The following ZNF570 variants were observed in gnomAD, a reference collection of about 807,000 sequenced individuals.
ZNF570 encodes the protein zinc finger protein 570.
In ZNF570, 8 loss-of-function variants were observed where a neutral mutation model predicts 14.2. The ratio of observed to expected loss-of-function variants is 0.56; its 90% CI spans 0.33 to 1.02. The LOEUF is 1.02. Among genes scored for constraint, ZNF570 ranks in the 50% least tolerant of loss-of-function variants. ZNF570 has a pLI of 0.03. For synonymous variants in ZNF570, 202 were observed against 207.6 expected (o/e 0.97, Z 0.23); for missense variants, 559 against 624.9 (o/e 0.89, Z 1.12).
upstream of ZNF570, chr19:37,468,194 C>T: frequency 1.8e-6 from 1 of 542,916 alleles, no homozygotes; most frequent in Non-Finnish European, 3.2e-6. Context: ...TCAAGCGATT[C>T]TCTGCCTCGG....
At chr19:37,481,060 C>G (rs1484622789) in intron 4 of ZNF570, among the ~76,000 whole-genome samples, 1 of 151,792 alleles carries the variant, frequency 6.6e-6, no homozygotes, top group Non-Finnish European at 1.5e-5. Flanking sequence ...ATATACTATT[C>G]ATATCAACTT....
chr19:37,483,769 C>CAAAAGCCAA, intron 4 of ZNF570, 110 bp from the exon 5 acceptor site: 1 of 1,163,454 alleles, frequency 8.6e-7, no homozygotes, highest in South Asian at 1.6e-5. Flanking sequence ...GCCAATGTTC[C>CAAAAGCCAA]TGTGGGTTTT....
chr19:37,478,999 C>G (rs1473489060), intron 4 of ZNF570, among the ~76,000 whole-genome samples: 2 of 151,128 alleles, frequency 1.3e-5, no homozygotes, highest in African/African-American at 4.8e-5. Flanking sequence ...GTTGATTAGT[C>G]TCGTAAATTC....
chr19:37,468,058 C>T, upstream of ZNF570: 2 of 777,908 alleles, frequency 2.6e-6, no homozygotes, highest in Non-Finnish European at 4.1e-6. Flanking sequence ...CTTAACTTCT[C>T]TATGCCTTTC....
chr19:37,475,835 G>A, intron 2 of ZNF570, 46 bp from the exon 3 acceptor site: 2 of 1,575,264 alleles, frequency 1.3e-6, no homozygotes, highest in Non-Finnish European at 1.7e-6. Flanking sequence ...GAGGAAATGA[G>A]GTGAATATGG....
intron 2 of ZNF570, among the ~76,000 whole-genome samples, chr19:37,472,257 C>G (rs1044934379): frequency 1.3e-5 from 2 of 152,054 alleles, no homozygotes; most frequent in Admixed American, 1.3e-4. Flanking sequence ...ACCATCATCT[C>G]TCACCTGTGT....
intron 2 of ZNF570, among the ~76,000 whole-genome samples, chr19:37,473,932 G>A (rs1230448056): frequency 2.0e-5 from 3 of 152,152 alleles, no homozygotes; most frequent in Non-Finnish European, 2.9e-5. Context: ...AAAACTAGAT[G>A]TCTTTTAGGG....
intron 4 of ZNF570, among the ~76,000 whole-genome samples, chr19:37,478,995 T>G (rs2042056964): frequency 6.6e-6 from 1 of 151,334 alleles, no homozygotes; most frequent in African/African-American, 2.4e-5. Flanking sequence ...CAAGGTTGAT[T>G]AGTCTCGTAA....
At position 37,469,432 on chromosome 19, in the gene ZNF570, G is replaced by A. The variant is rs903096693; in HGVS notation, c.-177G>A. Reference sequence around the variant, plus strand: ...TGAGACCCGAGTGCAGATTCCCCGAGCCTTCGGGGCAGGAAGGAGATCTTC... The same window carrying A: ...TGAGACCCGAGTGCAGATTCCCCGAACCTTCGGGGCAGGAAGGAGATCTTC... On this transcript the variant is annotated 5_prime_UTR_variant, in exon 1 of 5. Transcript: ENST00000330173. The A allele has an allele frequency of 4.6e-6, 7 of 1,533,742 alleles. No homozygotes were observed. The African/African-American group carries it at 6.8e-5, about 15-fold the overall frequency.
chr19:37,470,100 A>G (rs2041930092), intron 1 of ZNF570: 1 of 502,768 alleles, frequency 2.0e-6, no homozygotes, highest in Non-Finnish European at 3.6e-6. Flanking sequence ...TAAAGCCTAG[A>G]ACATCTGTTG....
chr19:37,486,095 A>G lies in ZNF570; in HGVS notation c.*862A>G, dbSNP rs2042152496. On this transcript the variant is annotated 3_prime_UTR_variant, in exon 5 of 5. Coordinates refer to ENST00000330173, the MANE Select transcript of ZNF570 (RefSeq NM_144694.5). Reference sequence around the variant, plus strand: ...AAACACATGTTACTATCTCCAGTTAAAACTTTTTTTTTTTTTTTGCTTGTT... The same window carrying G: ...AAACACATGTTACTATCTCCAGTTAGAACTTTTTTTTTTTTTTTGCTTGTT... 1 of 147,568 alleles carries G rather than the reference A, an allele frequency of 6.8e-6. No homozygotes were observed. 9.1% of individuals were successfully genotyped at this position (147,568 alleles called of 1,614,324 possible).
Position 37,487,117 on chromosome 19 carries a change from G to A in ZNF570, c.*1884G>A, listed in dbSNP as rs2042163067. ...CTCAGGAGGCTGAGGCAAGAGAATT[G>A]CTTGAACCCAGGAGACAGAGGTTGC... is the stretch of plus-strand genomic sequence containing the variant. On this transcript the variant is annotated 3_prime_UTR_variant, in exon 5 of 5. Transcript: ENST00000330173. 1 of 141,282 alleles carries A rather than the reference G, an allele frequency of 7.1e-6. No individual in the cohort carries two copies. Among genetic ancestry groups the A allele is most frequent in the East Asian group, 2.2e-4 (1 of 4,572 alleles). 8.8% of individuals were successfully genotyped at this position (141,282 alleles called of 1,614,324 possible).
chr19:37,474,502 C>G (rs2042001975), intron 2 of ZNF570, among the ~76,000 whole-genome samples: 1 of 152,088 alleles, frequency 6.6e-6, no homozygotes, highest in Non-Finnish European at 1.5e-5. Flanking sequence ...CTGTGTTGCC[C>G]AGGCTGGAGT....
chr19:37,469,190 T>C (rs2041907694), upstream of ZNF570: 6 of 1,246,672 alleles, frequency 4.8e-6, no homozygotes, highest in Middle Eastern at 3.2e-4. Flanking sequence ...TGGGAGGACC[T>C]GGTGGGGAGG....
At chr19:37,469,966 G>T (rs925559200) in intron 1 of ZNF570, among the ~76,000 whole-genome samples, 20 of 152,150 alleles carry the variant, frequency 1.3e-4, no homozygotes, top group Admixed American at 2.6e-4. Context: ...CCAAGTTTCA[G>T]AATCACTGAT....
intron 4 of ZNF570, among the ~76,000 whole-genome samples, chr19:37,477,402 T>G (rs2042040120): frequency 6.7e-6 from 1 of 148,966 alleles, no homozygotes; most frequent in Non-Finnish European, 1.5e-5. Context: ...TACAGTGGCA[T>G]GATCTCGGCT....
intron 1 of ZNF570, 167 bp downstream of exon 1, chr19:37,469,724 G>A (rs891550430): frequency 1.8e-5 from 13 of 717,498 alleles, no homozygotes; most frequent in Non-Finnish European, 2.8e-5. Context: ...GCTTCTTTGT[G>A]ACTGGGTTGT....
chr19:37,473,602 G>A (rs555980798), intron 2 of ZNF570, among the ~76,000 whole-genome samples: 1 of 152,266 alleles, frequency 6.6e-6, no homozygotes, highest in East Asian at 1.9e-4. Context: ...TGGGATAATT[G>A]AGGTTATGAA....
chr19:37,487,276 G>T lies in ZNF570; in HGVS notation c.*2043G>T, dbSNP rs2042166124. 1.3e-5 allele frequency: 2 copies of T among 150,376 alleles called. No individual in the cohort carries two copies. Among genetic ancestry groups the T allele is most frequent in the South Asian group, 4.2e-4 (2 of 4,766 alleles). The allele number at this position is 150,376 out of a possible 1,614,324, so 9.3% of individuals were successfully genotyped here. A position where few individuals can be genotyped will look rare whatever the true frequency, so the allele number is the denominator to read the frequency against. On this transcript the variant is annotated 3_prime_UTR_variant, in exon 5 of 5. Transcript: ENST00000330173. ...TGGTTAAATTCGGGTAATTTAGAAG[G>T]CATGTAAAGTGTTCCATACTATAGA...
Sources: allele counts gnomAD v4.1 joint callset (sites outside exome capture counted in the v4.1 genomes callset), GRCh38; gene constraint gnomAD v4.1.1; transcripts MANE v1.5; gene names NCBI Gene and HGNC (gene_info 2026-07-23, HGNC 2026-07-21).